C4BPA: variants seen among roughly 807,000 people sequenced by gnomAD.
C4BPA encodes the protein C4b-binding protein alpha chain.
In C4BPA, 31 loss-of-function variants were observed where a neutral mutation model predicts 63.7. The ratio of observed to expected loss-of-function variants is 0.49; its 90% CI spans 0.37 to 0.66. C4BPA has a LOEUF of 0.66. Ranked by LOEUF, C4BPA falls within the 30% of genes least tolerant of loss-of-function variation. The pLI is 0.00. For synonymous variants in C4BPA, 259 were observed against 254.7 expected (o/e 1.02, Z -0.16); for missense variants, 572 against 723.3 (o/e 0.79, Z 2.40).
intron 8 of C4BPA, among the ~76,000 whole-genome samples, chr1:207,133,568 G>T (rs1415911978): frequency 6.6e-6 from 1 of 152,170 alleles, no homozygotes; most frequent in Non-Finnish European, 1.5e-5. Flanking sequence ...TTTGAGATCA[G>T]CCTGGGTAAC....
chr1:207,115,558 T>TA, intron 4 of C4BPA, 43 bp downstream of exon 4: 2 of 1,038,590 alleles, frequency 1.9e-6, no homozygotes, highest in Non-Finnish European at 1.4e-6. Flanking sequence ...TATATTTATT[T>TA]AAAAAATAGC....
chr1:207,135,590 A>AG (rs1226428991), intron 9 of C4BPA, among the ~76,000 whole-genome samples: 1 of 152,218 alleles, frequency 6.6e-6, no homozygotes, highest in Admixed American at 6.5e-5. Flanking sequence ...TTTCCCAAGT[A>AG]GGTCACTTAG....
intron 9 of C4BPA, among the ~76,000 whole-genome samples, chr1:207,135,054 G>T (rs950735777): frequency 4.6e-5 from 7 of 152,162 alleles, no homozygotes; most frequent in African/African-American, 1.4e-4. Flanking sequence ...AGGCTCAAGT[G>T]GGCCAGGCAT....
chr1:207,121,313 T>C (rs1343180346), intron 4 of C4BPA, among the ~76,000 whole-genome samples: 1 of 152,170 alleles, frequency 6.6e-6, no homozygotes, highest in Non-Finnish European at 1.5e-5. Flanking sequence ...TACATACATA[T>C]TTTGCTACAT....
Position 207,131,498 on chromosome 1 carries a change from C to T in C4BPA, c.890-48C>T, listed in dbSNP as rs749505213. On this transcript the variant is annotated intron_variant, in intron 7 of 11. Coordinates refer to ENST00000367070, the MANE Select transcript of C4BPA (RefSeq NM_000715.4). Reference sequence around the variant, plus strand: ...CAGGCTTATTGACTGCTGTGGCAGCCCTAGTAATAGCGTCCTTTTGTTCTT... The same window carrying T: ...CAGGCTTATTGACTGCTGTGGCAGCTCTAGTAATAGCGTCCTTTTGTTCTT... 3.6e-6 allele frequency: 5 copies of T among 1,371,064 alleles called. No homozygotes were observed. In the South Asian group the frequency reaches 6.3e-5, roughly 17 times the overall value. The allele number at this position is 1,371,064 out of a possible 1,614,324, so 84.9% of individuals were successfully genotyped here. A position where few individuals can be genotyped will look rare whatever the true frequency, so the allele number is the denominator to read the frequency against.
At chr1:207,143,157 A>G (rs978573052) in intron 10 of C4BPA, among the ~76,000 whole-genome samples, 8 of 152,212 alleles carry the variant, frequency 5.3e-5, no homozygotes, top group Non-Finnish European at 8.8e-5. Flanking sequence ...GTGCAGCCAT[A>G]AAAAAGAATG....
At chr1:207,134,949 T>C (rs1265287833) in intron 9 of C4BPA, among the ~76,000 whole-genome samples, 1 of 152,216 alleles carries the variant, frequency 6.6e-6, no homozygotes, top group East Asian at 1.9e-4. Flanking sequence ...TGAACTTGTT[T>C]CCTTCTTCTT....
Position 207,131,757 on chromosome 1 carries a change from T to C in C4BPA, c.1084+17T>C. 6.3e-7 allele frequency: 1 copy of C among 1,578,430 alleles called. No homozygotes were observed. Among genetic ancestry groups the C allele is most frequent in the Non-Finnish European group, 8.7e-7 (1 of 1,155,130 alleles). ...GATGTGAGGGTGAGTTTTTGTTTTT[T>C]AATATTTTTGTATATTAAATGTCCA... On this transcript the variant is annotated intron_variant, in intron 8 of 11. Transcript: ENST00000367070.
intron 6 of C4BPA, among the ~76,000 whole-genome samples, chr1:207,126,038 C>T (rs1685034953): frequency 6.6e-6 from 1 of 151,870 alleles, no homozygotes; most frequent in African/African-American, 2.4e-5. Context: ...GGGCCACGGA[C>T]CCATAACCAA....
chr1:207,111,382 C>T (rs994957609), intron 1 of C4BPA, among the ~76,000 whole-genome samples: 7 of 152,272 alleles, frequency 4.6e-5, no homozygotes, highest in African/African-American at 1.7e-4. Context: ...GGTGAATTTA[C>T]GTATTGGCAG....
intron 9 of C4BPA, among the ~76,000 whole-genome samples, chr1:207,139,484 G>T (rs1572799305): frequency 6.6e-6 from 1 of 152,042 alleles, no homozygotes; most frequent in East Asian, 1.9e-4. Context: ...GGGTGAGATG[G>T]GTGGACAGTA....
At position 207,114,093 on chromosome 1, in the gene C4BPA, T is replaced by G; in HGVS notation, c.143-7T>G. On this transcript the variant is annotated splice_polypyrimidine_tract_variant and splice_region_variant and intron_variant, in intron 2 of 11. Coordinates refer to ENST00000367070, the MANE Select transcript of C4BPA (RefSeq NM_000715.4). ...GTTTTGGTGCTCCTTCTCATTTTGG[T>G]GTCCAGGCAATTGTGGTCCTCCACC... 6.2e-7 allele frequency: 1 copy of G among 1,608,646 alleles called. No individual in the cohort carries two copies. The highest frequency in any genetic ancestry group is 8.5e-7 in the Non-Finnish European group (1 of 1,176,808).
chr1:207,126,143 G>T (rs1685037865), intron 6 of C4BPA, among the ~76,000 whole-genome samples: 1 of 151,742 alleles, frequency 6.6e-6, no homozygotes, highest in African/African-American at 2.4e-5. Context: ...TTATTGGTAG[G>T]GAAGTTGGAG....
At chr1:207,126,252 G>GTA (rs1203912242) in intron 6 of C4BPA, among the ~76,000 whole-genome samples, 2 of 147,232 alleles carry the variant, frequency 1.4e-5, no homozygotes, top group African/African-American at 5.0e-5. Flanking sequence ...ACATACATAT[G>GTA]TGTATATATA....
intron 2 of C4BPA, 88 bp downstream of exon 2, chr1:207,113,255 G>A: frequency 7.0e-7 from 1 of 1,430,670 alleles, no homozygotes; most frequent in Non-Finnish European, 9.5e-7. Context: ...AATGATGACT[G>A]AGCTTCTAGC....
At chr1:207,118,223 CT>C (rs1275300705) in intron 4 of C4BPA, among the ~76,000 whole-genome samples, 1 of 148,480 alleles carries the variant, frequency 6.7e-6, no homozygotes, top group African/African-American at 2.6e-5. Flanking sequence ...GTCTATCTAT[CT>C]ATCTATCTAT....
chr1:207,122,944 G>A (rs774827858), intron 4 of C4BPA, among the ~76,000 whole-genome samples: 14 of 152,136 alleles, frequency 9.2e-5, no homozygotes, highest in Non-Finnish European at 1.2e-4. Context: ...TTAAGCCTAT[G>A]TTGATTCTCT....
At chr1:207,140,323 C>T (rs1297447245) in intron 9 of C4BPA, among the ~76,000 whole-genome samples, 3 of 152,182 alleles carry the variant, frequency 2.0e-5, no homozygotes, top group Admixed American at 6.5e-5. Context: ...CCAGCATGCT[C>T]ACTTCCCTGA....
In C4BPA at chr1:207,124,161, C is replaced by G; in HGVS notation, c.515-14C>G. The G allele has an allele frequency of 6.2e-7, 1 of 1,607,714 alleles. No homozygotes were observed. The highest frequency in any genetic ancestry group is 8.5e-7 in the Non-Finnish European group (1 of 1,174,958). ...TTCGCTGAGTATTTCTTTCTCTTCA[C>G]TCACTTACCTCAGTTGTCAAGTGTA... On this transcript the variant is annotated splice_polypyrimidine_tract_variant and intron_variant, in intron 5 of 11. Transcript: ENST00000367070.
Sources: allele counts gnomAD v4.1 joint callset (sites outside exome capture counted in the v4.1 genomes callset), GRCh38; gene constraint gnomAD v4.1.1; transcripts MANE v1.5; gene names NCBI Gene and HGNC (gene_info 2026-07-23, HGNC 2026-07-21).